The following KDM6A variants were observed in gnomAD, a reference collection of about 807,000 sequenced individuals.
The protein encoded by KDM6A is lysine-specific demethylase 6A.
A neutral mutation model predicts 117.6 loss-of-function variants in KDM6A; 11 were observed. The observed-to-expected ratio is 0.09, with a 90% CI of 0.06 to 0.15. KDM6A has a LOEUF of 0.15. Among genes scored for constraint, KDM6A ranks in the 10% least tolerant of loss-of-function variants. KDM6A has a pLI of 1.00. For missense variants in KDM6A, 799 were observed against 1,077.3 expected (o/e 0.74, Z 3.62); for synonymous variants, 384 against 396.1 (o/e 0.97, Z 0.36).
chrX:44,988,079 C>T (rs1198413162), intron 4 of KDM6A, among the ~76,000 whole-genome samples: 6 of 111,919 alleles, frequency 5.4e-5, no homozygotes, highest in African/African-American at 1.9e-4. Flanking sequence ...TCACGTAGTC[C>T]CGTATTTCTT....
At chrX:44,880,624 C>T (rs1469216054) in intron 2 of KDM6A, among the ~76,000 whole-genome samples, 1 of 108,780 alleles carries the variant, frequency 9.2e-6, no homozygotes, top group Non-Finnish European at 1.9e-5. Flanking sequence ...AACCTCATCT[C>T]CACTAAAAAC....
chrX:44,969,411 CTTTTTTTTT>C (rs11288771), intron 3 of KDM6A, among the ~76,000 whole-genome samples: 2 of 35,993 alleles, frequency 5.6e-5, no homozygotes, highest in East Asian at 1.4e-3. Context: ...CTCTTTTTAT[CTTTTTTTTT>C]TTTTTTTTTT....
chrX:44,975,501 T>C (rs2039570704), intron 4 of KDM6A, among the ~76,000 whole-genome samples: 1 of 111,250 alleles, frequency 9.0e-6, no homozygotes, highest in Non-Finnish European at 1.9e-5. Context: ...CATATATGTA[T>C]ATATATTTTT....
chrX:44,935,000 G>T (rs927230174), intron 2 of KDM6A, among the ~76,000 whole-genome samples: 1 of 111,286 alleles, frequency 9.0e-6, no homozygotes. Context: ...GAGGTCCTTG[G>T]CATTTTCTCT....
intron 2 of KDM6A, among the ~76,000 whole-genome samples, chrX:44,944,669 C>T (rs1339298942): frequency 9.0e-6 from 1 of 111,590 alleles, no homozygotes; most frequent in Non-Finnish European, 1.9e-5. Flanking sequence ...TTATATATTT[C>T]ATATTTTTGG....
At chrX:45,035,978 C>T (rs1385597676) in intron 7 of KDM6A, among the ~76,000 whole-genome samples, 1 of 111,655 alleles carries the variant, frequency 9.0e-6, no homozygotes, top group African/African-American at 3.3e-5. Context: ...GGATTATAGG[C>T]GGGAGCCACC....
At chrX:44,931,404 G>A (rs2036619331) in intron 2 of KDM6A, among the ~76,000 whole-genome samples, 1 of 111,901 alleles carries the variant, frequency 8.9e-6, no homozygotes, top group South Asian at 3.7e-4. Context: ...AGGTATTAAT[G>A]TACCTATGTT....
At chrX:45,097,344 T>G (rs1393775268) in intron 27 of KDM6A, among the ~76,000 whole-genome samples, 2 of 111,126 alleles carry the variant, frequency 1.8e-5, no homozygotes, top group African/African-American at 3.3e-5. Flanking sequence ...ACCCCTGAAC[T>G]TAAAAGTTAA....
At chrX:45,047,162 C>T (rs929905582) in intron 8 of KDM6A, among the ~76,000 whole-genome samples, 28 of 110,693 alleles carry the variant, frequency 2.5e-4, no homozygotes, top group African/African-American at 9.2e-4. Flanking sequence ...AAAAATTTGA[C>T]TTCAATGTGC....
chrX:45,040,493 G>A (rs2043064265), intron 8 of KDM6A, among the ~76,000 whole-genome samples: 1 of 81,351 alleles, frequency 1.2e-5, no homozygotes, highest in Non-Finnish European at 2.5e-5. Context: ...GGCCAGGCGG[G>A]GGGCTGACCC....
chrX:45,034,855 T>C (rs2042741040), intron 6 of KDM6A, 76 bp from the exon 7 acceptor site: 1 of 797,285 alleles, frequency 1.3e-6, no homozygotes, highest in South Asian at 2.1e-5. Flanking sequence ...AGACCTTACA[T>C]ACCTGAAAAG....
At chrX:45,093,780 G>A (rs989274854) in intron 27 of KDM6A, among the ~76,000 whole-genome samples, 6 of 111,092 alleles carry the variant, frequency 5.4e-5, no homozygotes, top group African/African-American at 1.6e-4. Context: ...TTGAGGTATC[G>A]ACATTTATGT....
chrX:45,096,307 A>T (rs2046104047), intron 27 of KDM6A, among the ~76,000 whole-genome samples: 1 of 111,571 alleles, frequency 9.0e-6, no homozygotes, highest in Non-Finnish European at 1.9e-5. Context: ...GTGCCTTCTC[A>T]TCCGCTCCCT....
chrX:44,972,857 A>G (rs2039425756), intron 3 of KDM6A, among the ~76,000 whole-genome samples: 1 of 110,280 alleles, frequency 9.1e-6, no homozygotes, highest in Admixed American at 9.6e-5. Flanking sequence ...CAAAATGGTG[A>G]AACCCCGCCT....
intron 5 of KDM6A, among the ~76,000 whole-genome samples, chrX:45,014,389 C>T (rs1409327979): frequency 8.9e-6 from 1 of 111,856 alleles, no homozygotes; most frequent in Non-Finnish European, 1.9e-5. Context: ...TCAACTGTTC[C>T]ATCCTCATTG....
Position 45,012,197 on chromosome X carries a change from ATT to A in KDM6A, c.443+1199_443+1200del, listed in dbSNP as rs760991442. Reference sequence around the variant, plus strand: ...TTTATAAAATGTCAACCCAATGTAGATTTTTTTTTTTTTTTTTTTTTTGGTCA... The same window carrying A: ...TTTATAAAATGTCAACCCAATGTAGATTTTTTTTTTTTTTTTTTTTGGTCA... On this transcript the variant is annotated intron_variant, in intron 5 of 29. Coordinates refer to ENST00000611820, the MANE Select transcript of KDM6A (RefSeq NM_001291415.2). Among the ~76,000 whole-genome samples the A allele has an allele frequency of 1.4e-3, 98 of 69,047 alleles. 1 individual carries two copies. In the South Asian group the frequency reaches 0.026, roughly 18 times the overall value. 60.0% of individuals were successfully genotyped at this position (69,047 alleles called of 115,157 possible). A position where few individuals can be genotyped will look rare whatever the true frequency, so the allele number is the denominator to read the frequency against.
At chrX:45,023,027 C>A (rs752933150) in intron 6 of KDM6A, among the ~76,000 whole-genome samples, 1 of 112,226 alleles carries the variant, frequency 8.9e-6, no homozygotes, top group Admixed American at 9.4e-5. Context: ...TTGATCTCTT[C>A]AAAAATACTT....
intron 2 of KDM6A, among the ~76,000 whole-genome samples, chrX:44,942,466 T>C (rs1944323565): frequency 9.0e-6 from 1 of 111,162 alleles, no homozygotes; most frequent in Non-Finnish European, 1.9e-5. Flanking sequence ...TGTTGATCTG[T>C]GTGTTTGTCT....
chrX:45,040,512 C>T (rs1435447296), intron 8 of KDM6A, among the ~76,000 whole-genome samples: 4 of 75,108 alleles, frequency 5.3e-5, no homozygotes, highest in Non-Finnish European at 1.1e-4. Context: ...CCCCCCACCT[C>T]CCTCCCGGAC....
Sources: allele counts gnomAD v4.1 joint callset (sites outside exome capture counted in the v4.1 genomes callset), GRCh38; gene constraint gnomAD v4.1.1; transcripts MANE v1.5; gene names NCBI Gene and HGNC (gene_info 2026-07-23, HGNC 2026-07-21).